The following SPON1 variants were observed in gnomAD, a reference collection of about 807,000 sequenced individuals.
The protein encoded by SPON1 is spondin 1.
Under a neutral mutation model 111.7 loss-of-function variants are expected in SPON1, and 52 were observed. The observed-to-expected ratio is 0.47, with a 90% CI of 0.37 to 0.59. The LOEUF is 0.59. Ranked by LOEUF, SPON1 falls within the 20% of genes least tolerant of loss-of-function variation. SPON1 has a pLI of 0.00. For missense variants in SPON1, 957 were observed against 1,068.5 expected, an observed-to-expected ratio of 0.90 and a Z score of 1.46; for synonymous variants, 410 against 395.8, an observed-to-expected ratio of 1.04 and a Z score of -0.43.
chr11:14,077,663 A>G (rs1848928587), intron 4 of SPON1, among the ~76,000 whole-genome samples: 1 of 151,816 alleles, frequency 6.6e-6, no homozygotes, highest in Admixed American at 6.6e-5. Flanking sequence ...TCTCACAAGT[A>G]AGATCTAAAT....
intron 15 of SPON1, among the ~76,000 whole-genome samples, chr11:14,264,962 A>G (rs1258423910): frequency 6.6e-6 from 1 of 152,326 alleles, no homozygotes; most frequent in South Asian, 2.1e-4. Flanking sequence ...CTGCTGCATA[A>G]GCCATCCCAA....
chr11:14,175,703 G>A (rs1554933013), intron 6 of SPON1, among the ~76,000 whole-genome samples: 2 of 151,962 alleles, frequency 1.3e-5, no homozygotes, highest in Non-Finnish European at 2.9e-5. Flanking sequence ...TACCCTTTTT[G>A]CTGGCATACC....
intron 7 of SPON1, among the ~76,000 whole-genome samples, chr11:14,243,690 C>G (rs1487385755): frequency 1.3e-5 from 2 of 152,148 alleles, no homozygotes; most frequent in Non-Finnish European, 2.9e-5. Context: ...TGCTCTCAGC[C>G]ACAACAGACC....
intron 6 of SPON1, among the ~76,000 whole-genome samples, chr11:14,172,199 A>T (rs1848111640): frequency 6.6e-6 from 1 of 151,970 alleles, no homozygotes; most frequent in Admixed American, 6.6e-5. Context: ...ATATATATTT[A>T]GGAGAGTTAG....
chr11:14,085,519 G>GTACC (rs1432173126), intron 5 of SPON1, among the ~76,000 whole-genome samples: 1 of 151,986 alleles, frequency 6.6e-6, no homozygotes, highest in East Asian at 1.9e-4. Flanking sequence ...ATCTGTTTTG[G>GTACC]TACCAGTACC....
chr11:13,969,215 C>CAAAAAAAAAAAAAAA (rs3047401), intron 1 of SPON1, among the ~76,000 whole-genome samples: 1 of 106,980 alleles, frequency 9.3e-6, no homozygotes, highest in African/African-American at 3.2e-5. Flanking sequence ...CCCATCTCTA[C>CAAAAAAAAAAAAAAA]AAAAAAAAAA....
chr11:13,970,763 A>C (rs1207459662), intron 1 of SPON1, among the ~76,000 whole-genome samples: 1 of 152,084 alleles, frequency 6.6e-6, no homozygotes, highest in Non-Finnish European at 1.5e-5. Context: ...TTTTAAGGGA[A>C]TCTCTTTAAA....
At chr11:14,239,598 A>G (rs1211787834) in intron 6 of SPON1, among the ~76,000 whole-genome samples, 1 of 152,122 alleles carries the variant, frequency 6.6e-6, no homozygotes, top group Non-Finnish European at 1.5e-5. Context: ...AGTGGTGCAC[A>G]CCTGTAGTCC....
chr11:14,169,879 T>C (rs1554932258), intron 6 of SPON1, among the ~76,000 whole-genome samples: 1 of 152,206 alleles, frequency 6.6e-6, no homozygotes, highest in African/African-American at 2.4e-5. Context: ...ACCAGTACCA[T>C]GCTGTTTTGG....
intron 5 of SPON1, among the ~76,000 whole-genome samples, chr11:14,081,230 A>T (rs1227076170): frequency 6.6e-6 from 1 of 152,208 alleles, no homozygotes; most frequent in Non-Finnish European, 1.5e-5. Context: ...CAAACGCCTA[A>T]CATGTGCCAG....
At chr11:14,187,215 A>T (rs575841087) in intron 6 of SPON1, among the ~76,000 whole-genome samples, 8 of 152,304 alleles carry the variant, frequency 5.3e-5, no homozygotes, top group Non-Finnish European at 1.2e-4. Context: ...TACCTCAGGG[A>T]AGGCACTAAG....
intron 6 of SPON1, among the ~76,000 whole-genome samples, chr11:14,200,237 G>A (rs1848447524): frequency 6.6e-6 from 1 of 152,150 alleles, no homozygotes; most frequent in African/African-American, 2.4e-5. Context: ...GTGTGCTAGG[G>A]AATAAGCTCC....
At chr11:14,198,638 T>C (rs988018255) in intron 6 of SPON1, among the ~76,000 whole-genome samples, 1 of 152,238 alleles carries the variant, frequency 6.6e-6, no homozygotes, top group Admixed American at 6.5e-5. Flanking sequence ...CCTCACTACA[T>C]GACAATCCCA....
At chr11:14,101,059 T>G (rs1849139808) in intron 5 of SPON1, among the ~76,000 whole-genome samples, 2 of 152,222 alleles carry the variant, frequency 1.3e-5, no homozygotes. Flanking sequence ...TTTGATGTTC[T>G]TTATTTTCAC....
intron 6 of SPON1, among the ~76,000 whole-genome samples, chr11:14,175,716 G>C (rs888768678): frequency 6.6e-6 from 1 of 152,140 alleles, no homozygotes; most frequent in Non-Finnish European, 1.5e-5. Flanking sequence ...GGCATACCAG[G>C]TTTCTAGGTT....
chr11:14,179,080 T>C (rs1483170102), intron 6 of SPON1, among the ~76,000 whole-genome samples: 2 of 152,212 alleles, frequency 1.3e-5, no homozygotes, highest in Non-Finnish European at 2.9e-5. Context: ...TATGGTGGTC[T>C]CTATTTGTAC....
intron 6 of SPON1, among the ~76,000 whole-genome samples, chr11:14,167,214 A>G (rs1431911224): frequency 6.6e-6 from 1 of 152,146 alleles, no homozygotes. Flanking sequence ...GCCAAATGTC[A>G]TTACTGGACT....
chr11:14,217,331 T>C (rs546285095), intron 6 of SPON1, among the ~76,000 whole-genome samples: 1 of 152,306 alleles, frequency 6.6e-6, no homozygotes, highest in African/African-American at 2.4e-5. Context: ...TACTTTTGTT[T>C]AACAAAATGT....
At chr11:14,100,762 T>C (rs2133843420) in intron 5 of SPON1, among the ~76,000 whole-genome samples, 1 of 152,350 alleles carries the variant, frequency 6.6e-6, no homozygotes, top group African/African-American at 2.4e-5. Flanking sequence ...TTCACTATTT[T>C]CTACAAGAGT....
Sources: allele counts gnomAD v4.1 joint callset (sites outside exome capture counted in the v4.1 genomes callset), GRCh38; gene constraint gnomAD v4.1.1; transcripts MANE v1.5; gene names NCBI Gene and HGNC (gene_info 2026-07-23, HGNC 2026-07-21).